The following PIWIL1 variants were observed in gnomAD, a reference collection of about 807,000 sequenced individuals.
PIWIL1 encodes piwi like RNA-mediated gene silencing 1.
PIWIL1 carries 73 observed loss-of-function variants against 114.4 expected under a neutral mutation model. The ratio of observed to expected loss-of-function variants is 0.64; its 90% CI spans 0.53 to 0.78. The LOEUF is 0.78. PIWIL1 is among the 30% of genes least tolerant of loss of function. PIWIL1 has a pLI of 0.00. For synonymous variants in PIWIL1, 375 were observed against 369.0 expected (o/e 1.02, Z -0.19); for missense variants, 723 against 1,063.1 (o/e 0.68, Z 4.45).
intron 1 of PIWIL1, among the ~76,000 whole-genome samples, chr12:130,341,845 C>T (rs1267108155): frequency 6.6e-6 from 1 of 152,208 alleles, no homozygotes; most frequent in East Asian, 1.9e-4. Flanking sequence ...AAGCTGATCC[C>T]AGCTCACAGG....
At chr12:130,355,123 G>T (rs2073328435) in intron 11 of PIWIL1, 118 bp downstream of exon 11, 3 of 718,794 alleles carry the variant, frequency 4.2e-6, no homozygotes, top group East Asian at 2.5e-5. Context: ...GGTATCTGTA[G>T]TATTTGGGGT....
rs187383913 is a variant in PIWIL1 at position 130,357,745 on chromosome 12, T to C, written c.1665+192T>C. 6.6e-5 allele frequency among the ~76,000 whole-genome samples: 10 copies of C among 152,366 alleles called. No homozygotes were observed. The East Asian group carries it at 1.7e-3, about 26-fold the overall frequency. On this transcript the variant is annotated intron_variant, in intron 14 of 20. Coordinates refer to ENST00000245255, the MANE Select transcript of PIWIL1 (RefSeq NM_004764.5). ...TAGTTGTGCACCTAGGAGTTTGGTT[T>C]ACATACTGCAAAAGGTGAGGAAGGG...
the PIWIL1 span, among the ~76,000 whole-genome samples, chr12:130,407,527 CAT>C: frequency 4.6e-5 from 7 of 152,178 alleles, no homozygotes; most frequent in Non-Finnish European, 8.8e-5. Flanking sequence ...AGGGGCTGGC[CAT>C]GTCCCTGGGA....
intron 6 of PIWIL1, 86 bp from the exon 7 acceptor site, chr12:130,348,017 C>A: frequency 2.3e-6 from 2 of 855,268 alleles, no homozygotes; most frequent in Non-Finnish European, 3.6e-6. Context: ...CACAATTTGC[C>A]AACCCCTGCT....
In PIWIL1 at chr12:130,342,325, A is replaced by G. The variant is rs552433941; in HGVS notation, c.-12-255A>G. On this transcript the variant is annotated intron_variant, in intron 1 of 20. Coordinates refer to ENST00000245255, the MANE Select transcript of PIWIL1 (RefSeq NM_004764.5). Reference sequence around the variant, plus strand: ...CTGTTTATAATAAATAATCCAAATGAAAAACTAAGTCTTATATTAAAATAG... The same window carrying G: ...CTGTTTATAATAAATAATCCAAATGGAAAACTAAGTCTTATATTAAAATAG... 41 of 496,724 alleles carry G rather than the reference A, an allele frequency of 8.3e-5. No individual in the cohort carries two copies. In the South Asian group the frequency reaches 1.2e-3, roughly 14 times the overall value. The allele number at this position is 496,724 out of a possible 1,614,324, so 30.8% of individuals were successfully genotyped here. A position where few individuals can be genotyped will look rare whatever the true frequency, so the allele number is the denominator to read the frequency against.
At chr12:130,353,346 G>A (rs1158255531) in intron 9 of PIWIL1, among the ~76,000 whole-genome samples, 4 of 149,548 alleles carry the variant, frequency 2.7e-5, no homozygotes, top group Non-Finnish European at 5.9e-5. Flanking sequence ...CTCAGTGGAG[G>A]TGTGTGGTTT....
chr12:130,407,305 C>T, the PIWIL1 span, among the ~76,000 whole-genome samples: 10 of 152,172 alleles, frequency 6.6e-5, no homozygotes, highest in Non-Finnish European at 1.3e-4. Flanking sequence ...CAAGCTGTGC[C>T]AGGCGACACA....
rs773984472 is a variant in PIWIL1, at chr12:130,346,489, C to T, written c.436C>T (p.Arg146Cys). The change falls in exon 5 of 21, where the codon CGT (arginine) becomes TGT (cysteine). Residue 146 changes from arginine (R) to cysteine (C), a missense_variant. This residue lies in a region of PIWIL1 where 190 missense variants were observed against 294.4 expected (regional missense o/e 0.65). Transcript: ENST00000245255. ...YNPLMEARRL[R>C]SALLFQHEDL... ...CCCACTGATGGAAGCCAGAAGACTCCGTTCAGCTCTTCTTTTTCAACACGA... is the reference window on the plus strand; with the variant it reads ...CCCACTGATGGAAGCCAGAAGACTCTGTTCAGCTCTTCTTTTTCAACACGA... The T allele has an allele frequency of 5.6e-6, 9 of 1,613,574 alleles. No individual in the cohort carries two copies. The highest frequency in any genetic ancestry group is 3.3e-5 in the Admixed American group (2 of 60,000).
the PIWIL1 span, chr12:130,397,298 A>T: frequency 2.2e-4 from 86 of 398,294 alleles, no homozygotes; most frequent in East Asian, 3.0e-3. Flanking sequence ...TTGAGTCATG[A>T]AAGCCCTAGT....
the PIWIL1 span, among the ~76,000 whole-genome samples, chr12:130,399,398 T>C: frequency 1.3e-5 from 2 of 152,190 alleles, no homozygotes; most frequent in African/African-American, 4.8e-5. Context: ...TCACTCTTGA[T>C]CAAACTGAAA....
rs571601131 is a variant in PIWIL1, at chr12:130,354,722, G to T, written c.1171+59G>T. The T allele has an allele frequency of 6.3e-5, 97 of 1,528,874 alleles. 2 individuals are homozygous for T. In the South Asian group the frequency reaches 1.1e-3, roughly 18 times the overall value. 94.7% of individuals were successfully genotyped at this position (1,528,874 alleles called of 1,614,324 possible). A position where few individuals can be genotyped will look rare whatever the true frequency, so the allele number is the denominator to read the frequency against. ...CACTGGATTTACCCTTTCTTTCCTA[G>T]GAGTCCTCAGACATTCCTTTACTTC... On this transcript the variant is annotated intron_variant, in intron 10 of 20. Coordinates refer to ENST00000245255, the MANE Select transcript of PIWIL1 (RefSeq NM_004764.5).
Position 130,367,269 on chromosome 12 carries a change from T to C in PIWIL1, c.2321+11T>C, listed in dbSNP as rs367879582. The C allele has an allele frequency of 6.2e-7, 1 of 1,606,780 alleles. No homozygotes were observed. Among genetic ancestry groups the C allele is most frequent in the Non-Finnish European group, 8.5e-7 (1 of 1,174,530 alleles). ...TACCAGACCAGAATGGTAAGTTCCA[T>C]GTGATGAGCTGAAGGTTGTTTTCTC... On this transcript the variant is annotated intron_variant, in intron 19 of 20. Coordinates refer to ENST00000245255, the MANE Select transcript of PIWIL1 (RefSeq NM_004764.5).
At chr12:130,366,767 T>G in intron 18 of PIWIL1, 1 of 174,472 alleles carries the variant, frequency 5.7e-6, no homozygotes, top group Non-Finnish European at 1.2e-5. Flanking sequence ...GATTTTAGAG[T>G]TAATATTATA....
chr12:130,338,860 G>A (rs2136112563), intron 1 of PIWIL1, among the ~76,000 whole-genome samples: 1 of 141,500 alleles, frequency 7.1e-6, no homozygotes, highest in Non-Finnish European at 1.6e-5. Flanking sequence ...CGGGGTGCGG[G>A]GGTGCAGGGG....
the PIWIL1 span, among the ~76,000 whole-genome samples, chr12:130,378,740 A>T: frequency 6.6e-6 from 1 of 152,188 alleles, no homozygotes; most frequent in South Asian, 2.1e-4. Context: ...TTTTGTTTAC[A>T]TGTTGGCCGT....
chr12:130,397,439 C>T, the PIWIL1 span: 1 of 398,860 alleles, frequency 2.5e-6, no homozygotes, highest in East Asian at 3.6e-5. Context: ...AGGACATTTC[C>T]CTGCCTCTCC....
chr12:130,376,850 A>G (rs771642211), downstream of PIWIL1, among the ~76,000 whole-genome samples: 11 of 152,222 alleles, frequency 7.2e-5, no homozygotes, highest in Admixed American at 3.9e-4. Context: ...CCATCTCAGG[A>G]ACACAGAGTC....
chr12:130,412,675 A>G, the PIWIL1 span: 1 of 1,613,956 alleles, frequency 6.2e-7, no homozygotes, highest in Non-Finnish European at 8.5e-7. Flanking sequence ...AAGCTGATCC[A>G]TCATCTCCTC....
the PIWIL1 span, among the ~76,000 whole-genome samples, chr12:130,415,513 C>T: frequency 2.6e-5 from 4 of 152,236 alleles, no homozygotes; most frequent in Non-Finnish European, 2.9e-5. Context: ...TGCCTGCTCT[C>T]ACCATTCCTG....
Sources: allele counts gnomAD v4.1 joint callset (sites outside exome capture counted in the v4.1 genomes callset), GRCh38; gene constraint gnomAD v4.1.1; regional missense constraint gnomAD v4.1.1; transcripts MANE v1.5; gene names NCBI Gene and HGNC (gene_info 2026-07-23, HGNC 2026-07-21).